RBFOX3: variants seen among roughly 807,000 people sequenced by gnomAD.
RBFOX3 encodes the protein RNA binding fox-1 homolog 3, also known as RNA binding protein fox-1 homolog 3.
A neutral mutation model predicts 48.7 loss-of-function variants in RBFOX3; 17 were observed. The observed-to-expected ratio is 0.35, with a 90% confidence interval of 0.24 to 0.52. The LOEUF (loss-of-function observed/expected upper bound fraction) is 0.52, where lower values mean the gene tolerates loss of function less well. RBFOX3 is among the 20% of genes least tolerant of loss of function. The pLI, the probability that RBFOX3 is intolerant of heterozygous loss-of-function variation, is 0.94. For missense variants in RBFOX3, 382 were observed against 497.5 expected, an observed-to-expected ratio of 0.77 and a Z score of 2.21; for synonymous variants, 212 against 209.5, an observed-to-expected ratio of 1.01 and a Z score of -0.10.
chr17:79,321,467 G>A lies in RBFOX3; in HGVS notation c.-174-13643C>T, dbSNP rs186305553. ...GGAGCCGAGACACAGAAGCCCTTCT[G>A]AGCATGACACAGAAACACAGACATC... On this transcript the variant is annotated intron_variant, in intron 2 of 14. Transcript: ENST00000693108. 1.8e-3 allele frequency among the ~76,000 whole-genome samples: 267 copies of A among 152,316 alleles called. 1 individual carries two copies. The highest frequency in any genetic ancestry group is 6.0e-3 in the African/African-American group (248 of 41,564).
chr17:79,166,133 C>A (rs2047949155), intron 4 of RBFOX3, among the ~76,000 whole-genome samples: 1 of 128,700 alleles, frequency 7.8e-6, no homozygotes, highest in Non-Finnish European at 1.6e-5. Context: ...TGGGCTTGGC[C>A]CACGCCCACC....
chr17:79,219,082 G>C (rs1483754994), intron 4 of RBFOX3, among the ~76,000 whole-genome samples: 2 of 152,248 alleles, frequency 1.3e-5, no homozygotes, highest in Non-Finnish European at 1.5e-5. Flanking sequence ...TGCGGGGTCA[G>C]GCCCTCCCAG....
intron 1 of RBFOX3, among the ~76,000 whole-genome samples, chr17:79,571,096 C>G (rs1456478368): frequency 6.6e-6 from 1 of 152,176 alleles, no homozygotes; most frequent in African/African-American, 2.4e-5. Flanking sequence ...CCTGGCCTAG[C>G]TGTCATTTAA....
chr17:79,380,875 C>T (rs577900137), intron 2 of RBFOX3, among the ~76,000 whole-genome samples: 4 of 152,108 alleles, frequency 2.6e-5, no homozygotes, highest in East Asian at 1.9e-4. Flanking sequence ...GCACCTGTGT[C>T]GGCAGACATT....
At chr17:79,465,636 TA>T (rs1260386614) in intron 2 of RBFOX3, among the ~76,000 whole-genome samples, 1 of 151,784 alleles carries the variant, frequency 6.6e-6, no homozygotes. Flanking sequence ...GCATGTTAAC[TA>T]GCCTAAGCTT....
chr17:79,571,768 G>A (rs1220732022), intron 1 of RBFOX3, among the ~76,000 whole-genome samples: 1 of 152,204 alleles, frequency 6.6e-6, no homozygotes, highest in Non-Finnish European at 1.5e-5. Flanking sequence ...CAGGGGGTCT[G>A]GCTTCCTCTT....
chr17:79,352,296 A>T (rs1037831414), intron 2 of RBFOX3, among the ~76,000 whole-genome samples: 8 of 152,054 alleles, frequency 5.3e-5, no homozygotes, highest in African/African-American at 1.7e-4. Flanking sequence ...TGGTTGTTTA[A>T]AAGTGTGTAG....
intron 4 of RBFOX3, among the ~76,000 whole-genome samples, chr17:79,177,434 G>A (rs1164305658): frequency 6.6e-6 from 1 of 152,206 alleles, no homozygotes; most frequent in Non-Finnish European, 1.5e-5. Flanking sequence ...AGGCTGGAGA[G>A]GAGAGGCGGG....
chr17:79,091,935 G>C (rs76549917), intron 14 of RBFOX3: 5 of 983,598 alleles, frequency 5.1e-6, no homozygotes, highest in Middle Eastern at 5.2e-4. Context: ...TTGTGACTAC[G>C]TCGGCAAGAA....
chr17:79,411,099 C>T (rs1189754026), intron 2 of RBFOX3, among the ~76,000 whole-genome samples: 6 of 152,220 alleles, frequency 3.9e-5, no homozygotes, highest in Non-Finnish European at 7.3e-5. Context: ...CAGGAACCAC[C>T]TTGAGCACAT....
intron 2 of RBFOX3, among the ~76,000 whole-genome samples, chr17:79,383,935 G>C (rs765382769): frequency 7.2e-5 from 11 of 152,028 alleles, no homozygotes; most frequent in African/African-American, 2.2e-4. Flanking sequence ...AATGTCAGAG[G>C]GGGGGGCAAT....
intron 1 of RBFOX3, among the ~76,000 whole-genome samples, chr17:79,519,759 C>CACG (rs1192499290): frequency 1.3e-5 from 2 of 152,162 alleles, no homozygotes; most frequent in Non-Finnish European, 2.9e-5. Flanking sequence ...GGTGGTCAGT[C>CACG]ACGTCTCCAT....
intron 1 of RBFOX3, among the ~76,000 whole-genome samples, chr17:79,504,409 C>G (rs1191257059): frequency 2.0e-5 from 3 of 152,152 alleles, no homozygotes; most frequent in Admixed American, 1.3e-4. Flanking sequence ...AACAAATGAC[C>G]ACAAATAGAG....
intron 2 of RBFOX3, among the ~76,000 whole-genome samples, chr17:79,321,212 C>T (rs1319016582): frequency 6.6e-6 from 1 of 152,250 alleles, no homozygotes; most frequent in Non-Finnish European, 1.5e-5. Context: ...ACACCACAGT[C>T]TTCTATGGGC....
chr17:79,507,384 A>T (rs2940230), intron 1 of RBFOX3, among the ~76,000 whole-genome samples: 1 of 152,102 alleles, frequency 6.6e-6, no homozygotes, highest in Non-Finnish European at 1.5e-5. Flanking sequence ...CTGAGGTTGG[A>T]GGGCCTAAAT....
chr17:79,324,523 C>T (rs999479181), intron 2 of RBFOX3, among the ~76,000 whole-genome samples: 1 of 152,218 alleles, frequency 6.6e-6, no homozygotes, highest in Non-Finnish European at 1.5e-5. Flanking sequence ...AGCTTATCCT[C>T]ACATCCTGGC....
At chr17:79,334,683 G>T (rs2080919566) in intron 2 of RBFOX3, among the ~76,000 whole-genome samples, 1 of 152,214 alleles carries the variant, frequency 6.6e-6, no homozygotes, top group African/African-American at 2.4e-5. Context: ...GCCCAAGACT[G>T]AGCTCTCCAG....
chr17:79,551,515 A>G (rs1213752949), intron 1 of RBFOX3, among the ~76,000 whole-genome samples: 7 of 42,612 alleles, frequency 1.6e-4, no homozygotes, highest in African/African-American at 3.3e-4. Flanking sequence ...GGGTAGGTGG[A>G]TGGGTGGATG....
At chr17:79,559,646 G>T (rs1347770096) in intron 1 of RBFOX3, among the ~76,000 whole-genome samples, 1 of 142,706 alleles carries the variant, frequency 7.0e-6, no homozygotes, top group Non-Finnish European at 1.5e-5. Flanking sequence ...GTGAATAGTG[G>T]ATGGGTGGAT....
Sources: gnomAD v4.1 joint callset for allele counts (sites outside exome capture counted in the v4.1 genomes callset) on GRCh38, gnomAD v4.1.1 for gene constraint, MANE v1.5 for transcripts, NCBI Gene and HGNC (gene_info 2026-07-23, HGNC 2026-07-21) for gene names.